Variants in KMT5B observed in about 807,000 individuals in gnomAD.
The protein encoded by KMT5B is lysine methyltransferase 5B, also known as histone-lysine N-methyltransferase KMT5B.
Under a neutral mutation model 83.2 loss-of-function variants are expected in KMT5B, and 10 were observed. The observed-to-expected ratio is 0.12, with a 90% confidence interval of 0.07 to 0.20. The LOEUF is 0.20. Among genes scored for constraint, KMT5B ranks in the 10% least tolerant of loss-of-function variants. The pLI is 1.00. For synonymous variants in KMT5B, 349 were observed against 388.8 expected (o/e 0.90, Z 1.20); for missense variants, 753 against 1,067.2 (o/e 0.71, Z 4.10).
intron 1 of KMT5B, among the ~76,000 whole-genome samples, chr11:68,195,825 A>G (rs1858631114): frequency 6.6e-6 from 1 of 152,190 alleles, no homozygotes; most frequent in Non-Finnish European, 1.5e-5. Context: ...TGTTTTAGTT[A>G]TATATGTGTA....
chr11:68,179,128 G>C (rs969458738), intron 4 of KMT5B, among the ~76,000 whole-genome samples: 4 of 146,762 alleles, frequency 2.7e-5, no homozygotes, highest in Non-Finnish European at 5.9e-5. Context: ...GTTTGCCATT[G>C]AACATCAGCA....
At chr11:68,179,117 C>A (rs1390429860) in intron 4 of KMT5B, among the ~76,000 whole-genome samples, 1 of 151,294 alleles carries the variant, frequency 6.6e-6, no homozygotes, top group African/African-American at 2.4e-5. Flanking sequence ...ATTTGACTTG[C>A]GTTTGCCATT....
chr11:68,166,171 A>G, intron 10 of KMT5B: 1 of 1,348,500 alleles, frequency 7.4e-7, no homozygotes. Context: ...TTTAGTGGCA[A>G]CTACAGAAAA....
In KMT5B at chr11:68,213,278, GGA is replaced by G. The variant is rs1861217232; in HGVS notation, c.-219_-218del. The G allele has an allele frequency of 6.8e-6, 1 of 147,382 alleles. No homozygotes were observed. 9.1% of individuals were successfully genotyped at this position (147,382 alleles called of 1,614,324 possible). On this transcript the variant is annotated 5_prime_UTR_variant, in exon 1 of 11. Transcript: ENST00000304363. ...ACCAAAAATAATTCCAGAGAAAAAT[GGA>G]GAGTAAAATCCAAGATGGCGGCGCG...
At chr11:68,197,937 TC>T (rs1378467982) in intron 1 of KMT5B, among the ~76,000 whole-genome samples, 9 of 152,188 alleles carry the variant, frequency 5.9e-5, no homozygotes, top group African/African-American at 2.2e-4. Context: ...AATTTTCAGC[TC>T]AAAATGAATA....
intron 3 of KMT5B, among the ~76,000 whole-genome samples, chr11:68,185,001 T>C (rs1166123355): frequency 6.6e-6 from 1 of 152,206 alleles, no homozygotes; most frequent in Non-Finnish European, 1.5e-5. Context: ...TTTAAAACTA[T>C]TCGCTCTTAA....
chr11:68,211,188 G>A (rs1860843658), intron 1 of KMT5B, among the ~76,000 whole-genome samples: 1 of 152,092 alleles, frequency 6.6e-6, no homozygotes, highest in Non-Finnish European at 1.5e-5. Flanking sequence ...TGAAAGACAC[G>A]CAGACACCGG....
chr11:68,163,614 CTAAGA>C (rs1028459571), intron 10 of KMT5B, among the ~76,000 whole-genome samples: 5 of 152,194 alleles, frequency 3.3e-5, no homozygotes, highest in African/African-American at 1.2e-4. Flanking sequence ...TCAGCGTGAA[CTAAGA>C]TAATACAAGG....
chr11:68,190,237 T>G (rs1565246081), intron 1 of KMT5B, 85 bp from the exon 2 acceptor site: 1 of 639,334 alleles, frequency 1.6e-6, no homozygotes, highest in African/African-American at 1.8e-5. Flanking sequence ...TTGAGAAAGA[T>G]ATATAATATT....
chr11:68,174,946 A>C, intron 5 of KMT5B, 72 bp downstream of exon 5: 1 of 1,354,080 alleles, frequency 7.4e-7, no homozygotes, highest in South Asian at 1.3e-5. Flanking sequence ...GTATTAACTA[A>C]CATTTAGGGT....
At chr11:68,179,994 A>C (rs1041392954) in intron 4 of KMT5B, 138 bp downstream of exon 4, 5 of 1,023,318 alleles carry the variant, frequency 4.9e-6, no homozygotes, top group Non-Finnish European at 6.9e-6. Flanking sequence ...ACTATTATCA[A>C]ACTACTTTAA....
upstream of KMT5B, chr11:68,213,639 T>C (rs1199499017): frequency 6.5e-6 from 1 of 153,494 alleles, no homozygotes; most frequent in African/African-American, 2.4e-5. Flanking sequence ...CCGCCCCCGG[T>C]GAGCCGCCTG....
intron 3 of KMT5B, among the ~76,000 whole-genome samples, chr11:68,181,221 C>T (rs1353565081): frequency 2.6e-5 from 4 of 151,956 alleles, no homozygotes; most frequent in East Asian, 1.9e-4. Context: ...ATTACGGGCA[C>T]GCACCACCAT....
rs569265297 is a variant in KMT5B at position 68,157,667 on chromosome 11, G to C, written c.*21C>G. ...TTATTTCTTTAAAGTAGTTATCCCAGGTCAAGTTAAGACCAAGAGCTTAGG... is the reference window on the plus strand; with the variant it reads ...TTATTTCTTTAAAGTAGTTATCCCACGTCAAGTTAAGACCAAGAGCTTAGG... On this transcript the variant is annotated 3_prime_UTR_variant, in exon 11 of 11. Coordinates refer to ENST00000304363, the MANE Select transcript of KMT5B (RefSeq NM_017635.5). 6.6e-7 allele frequency: 1 copy of C among 1,516,122 alleles called. No individual in the cohort carries two copies. The highest frequency in any genetic ancestry group is 2.3e-5 in the Admixed American group (1 of 43,266). 93.9% of individuals were successfully genotyped at this position (1,516,122 alleles called of 1,614,324 possible).
intron 3 of KMT5B, among the ~76,000 whole-genome samples, chr11:68,183,483 G>A (rs571763951): frequency 6.6e-6 from 1 of 152,030 alleles, no homozygotes; most frequent in African/African-American, 2.4e-5. Context: ...TCAGCCTTCC[G>A]AGTAGCTGGG....
At chr11:68,173,676 G>C (rs890729421) in intron 6 of KMT5B, 128 bp downstream of exon 6, 2 of 626,774 alleles carry the variant, frequency 3.2e-6, no homozygotes, top group African/African-American at 1.9e-5. Context: ...CCAAGGCAAC[G>C]GCGATGCATT....
chr11:68,199,698 T>C (rs895165254), intron 1 of KMT5B, among the ~76,000 whole-genome samples: 2 of 152,194 alleles, frequency 1.3e-5, no homozygotes, highest in Non-Finnish European at 1.5e-5. Flanking sequence ...GACAAGAGAA[T>C]GCAGGGAGAC....
At chr11:68,178,811 T>C (rs1856630697) in intron 4 of KMT5B, among the ~76,000 whole-genome samples, 1 of 152,232 alleles carries the variant, frequency 6.6e-6, no homozygotes, top group South Asian at 2.1e-4. Flanking sequence ...GGGAAATTTT[T>C]TTTTTTCCTA....
chr11:68,190,021 C>T lies in KMT5B; in HGVS notation c.56G>A (p.Gly19Asp). The change falls in exon 2 of 11, where the codon GGC (glycine) becomes GAC (aspartate). Residue 19 changes from glycine (G) to aspartate (D), a missense_variant. Transcript: ENST00000304363. Reference sequence around the variant, plus strand: ...CTGCTGATGGTCATTAGACAACTTGCCTCCATTTCTCCTGCCATTCACCAC... The same window carrying T: ...CTGCTGATGGTCATTAGACAACTTGTCTCCATTTCTCCTGCCATTCACCAC... The part of the protein sequence containing the change: ...NMVVNGRRNG[G>D]KLSNDHQQNQ... 6.2e-7 allele frequency: 1 copy of T among 1,614,112 alleles called. No individual in the cohort carries two copies. The highest frequency in any genetic ancestry group is 1.3e-5 in the African/African-American group (1 of 75,040).
Sources: gnomAD v4.1 joint callset for allele counts (sites outside exome capture counted in the v4.1 genomes callset) on GRCh38, gnomAD v4.1.1 for gene constraint, MANE v1.5 for transcripts, NCBI Gene and HGNC (gene_info 2026-07-23, HGNC 2026-07-21) for gene names.